The following POGK variants were observed in gnomAD, a reference collection of about 807,000 sequenced individuals.
POGK encodes pogo transposable element derived with KRAB domain.
A neutral mutation model predicts 54.4 loss-of-function variants in POGK; 16 were observed. That is an observed-to-expected ratio of 0.29 (90% CI 0.20 to 0.45). The LOEUF (loss-of-function observed/expected upper bound fraction) is 0.45. POGK is among the 20% of genes least tolerant of loss of function. The probability of loss-of-function intolerance (pLI) is 1.00; values close to 1 mark genes in which losing one functional copy is unlikely to be tolerated. For missense variants in POGK, 515 were observed against 795.6 expected (o/e 0.65, Z 4.24); for synonymous variants, 271 against 302.2 (o/e 0.90, Z 1.07).
rs1352772680 is a variant in POGK, at chr1:166,849,612, A to G, written c.1033A>G (p.Ser345Gly). Residue 345 changes from serine (S) to glycine (G), a missense_variant, in exon 5 of 6, where the codon AGT becomes GGT. Physicochemically the swap from Ser to Gly is moderately conservative, Grantham distance 56 (BLOSUM62 0). Coordinates refer to ENST00000367876, the MANE Select transcript of POGK (RefSeq NM_017542.5). ...TGAGAAACTCGTCACTTACCAGCGC[A>G]GTGTCCTGGCTCTGCGCAGGGCGCA... ...LTEKLVTYQR[S>G]VLALRRAHDY... 6.2e-7 allele frequency: 1 copy of G among 1,614,286 alleles called. No homozygotes were observed. The highest frequency in any genetic ancestry group is 1.7e-5 in the Admixed American group (1 of 60,038).
At chr1:166,842,600 G>C (rs73022894) in intron 2 of POGK, among the ~76,000 whole-genome samples, 2,338 of 152,306 alleles carry the variant, frequency 0.015, 57 homozygotes, top group African/African-American at 0.054. Flanking sequence ...GAACTCCGGG[G>C]CTTCCTGGAC....
At position 166,849,626 on chromosome 1, in the gene POGK, G is replaced by T. The variant is rs970273709; in HGVS notation, c.1047G>T (p.Leu349=). The T allele has an allele frequency of 3.1e-6, 5 of 1,614,290 alleles. No individual in the cohort carries two copies. The highest frequency in any genetic ancestry group is 4.2e-6 in the Non-Finnish European group (5 of 1,180,056). The change falls in exon 5 of 6, where the codon CTG becomes CTT. Residue 349 remains leucine (L), a synonymous_variant. Coordinates refer to ENST00000367876, the MANE Select transcript of POGK (RefSeq NM_017542.5). ...LVTYQRSVLA[L]RRAHDYEVAQ... ...CTTACCAGCGCAGTGTCCTGGCTCT[G>T]CGCAGGGCGCATGACTATGAGGTAG...
At chr1:166,847,616 C>T (rs1435136736) in intron 4 of POGK, 24 bp downstream of exon 4, 11 of 1,565,906 alleles carry the variant, frequency 7.0e-6, no homozygotes, top group East Asian at 2.2e-5. Context: ...AGCAGTTCAG[C>T]GTCCATCCAG....
In POGK at chr1:166,850,363, A is replaced by T. The variant is rs1189686278; in HGVS notation, c.1784A>T (p.Glu595Val). The T allele has an allele frequency of 1.2e-6, 2 of 1,613,086 alleles. No homozygotes were observed. The highest frequency in any genetic ancestry group is 2.7e-5 in the African/African-American group (2 of 74,888). Residue 595 changes from glutamate (E) to valine (V), a missense_variant, in exon 5 of 6, where the codon GAA (glutamate) becomes GTA (valine). By Grantham distance (121) the Glu-to-Val change is moderately radical. Transcript: ENST00000367876. ...EIESELPGGG[E>V]PPKDCDTESM... ...GAGAGTGAGTTGCCAGGAGGAGGAG[A>T]ACCACCAAAAGATTGTGACACCGAA...
intron 4 of POGK, 39 bp downstream of exon 4, chr1:166,847,631 G>A (rs1395080509): frequency 2.0e-6 from 3 of 1,496,756 alleles, no homozygotes; most frequent in East Asian, 2.3e-5. Context: ...ATCCAGCTGG[G>A]AACATTGTGG....
At chr1:166,845,977 C>T (rs1657829088) in intron 2 of POGK, among the ~76,000 whole-genome samples, 1 of 152,140 alleles carries the variant, frequency 6.6e-6, no homozygotes, top group Non-Finnish European at 1.5e-5. Flanking sequence ...TTCTTTCTTC[C>T]TCTTCATGCT....
In POGK at chr1:166,855,324, G is replaced by A. The variant is rs1218699873; in HGVS notation, c.*2754G>A. The A allele has an allele frequency of 4.6e-5, 7 of 151,958 alleles. No homozygotes were observed. Among genetic ancestry groups the A allele is most frequent in the South Asian group, 2.1e-4 (1 of 4,810 alleles). The allele number at this position is 151,958 out of a possible 1,614,324, so 9.4% of individuals were successfully genotyped here. ...ATGGTTTCCAACAGCTTTTTCCCTC[G>A]TTAAAATAATTATTTTTCTACATGA... On this transcript the variant is annotated 3_prime_UTR_variant, in exon 6 of 6. Coordinates refer to ENST00000367876, the MANE Select transcript of POGK (RefSeq NM_017542.5).
Position 166,849,645 on chromosome 1 carries a change from G to C in POGK, c.1066G>C (p.Glu356Gln). The change falls in exon 5 of 6, where the codon GAG becomes CAG. Residue 356 changes from glutamate (E) to glutamine (Q), a missense_variant. By Grantham distance (29) the Glu-to-Gln change is conservative. Transcript: ENST00000367876. ...GGCTCTGCGCAGGGCGCATGACTAT[G>C]AGGTAGCTCAGATGGGGAATGCAGA... Reference protein sequence around the residue: ...VLALRRAHDYEVAQMGNADET... With the variant: ...VLALRRAHDYQVAQMGNADET... The C allele has an allele frequency of 6.2e-7, 1 of 1,614,298 alleles. No homozygotes were observed. Among genetic ancestry groups the C allele is most frequent in the Non-Finnish European group, 8.5e-7 (1 of 1,180,060 alleles).
chr1:166,850,565 G>A (rs1037166141), intron 5 of POGK, 142 bp downstream of exon 5: 2 of 845,722 alleles, frequency 2.4e-6, no homozygotes, highest in African/African-American at 2.3e-5. Flanking sequence ...CCAACCCCCA[G>A]GTCACGGACC....
At position 166,843,330 on chromosome 1, in the gene POGK, G is replaced by A. The variant is rs557050662; in HGVS notation, c.132+2242G>A. ...CAGCCAGGAGGACATGCAGTGCTAC[G>A]CCAGCGAGTTTGAGCTTTCTCCTTA... On this transcript the variant is annotated intron_variant, in intron 2 of 5. Coordinates refer to ENST00000367876, the MANE Select transcript of POGK (RefSeq NM_017542.5). Among the ~76,000 whole-genome samples the A allele has an allele frequency of 3.9e-4, 59 of 152,340 alleles. No individual in the cohort carries two copies. The South Asian group carries it at 9.7e-3, about 25-fold the overall frequency.
At chr1:166,847,322 T>G (rs1025858776) in intron 3 of POGK, among the ~76,000 whole-genome samples, 172 bp from the exon 4 acceptor site, 1 of 152,226 alleles carries the variant, frequency 6.6e-6, no homozygotes, top group Non-Finnish European at 1.5e-5. Flanking sequence ...ACCCATTCCT[T>G]TAGACAGACC....
chr1:166,840,962 G>C lies in POGK; in HGVS notation c.6G>C (p.Glu2Asp). Residue 2 changes from glutamate to aspartate, a missense_variant, in exon 2 of 6, where the codon GAG becomes GAC. Glu to Asp is a conservative substitution (Grantham distance 45, BLOSUM62 2). Transcript: ENST00000367876. The stretch of plus-strand genomic sequence containing the variant: ...CCTGAATCTTGCTTGCAGAGATGGA[G>C]TCCACAGCCTACCCTCTCAATTTGA... M[E>D]STAYPLNLSL... is the part of the protein sequence containing the mutation. 6.2e-7 allele frequency: 1 copy of C among 1,613,980 alleles called. No individual in the cohort carries two copies. The highest frequency in any genetic ancestry group is 2.2e-5 in the East Asian group (1 of 44,872).
At position 166,854,464 on chromosome 1, in the gene POGK, A is replaced by G. The variant is rs1658207744; in HGVS notation, c.*1894A>G. On this transcript the variant is annotated 3_prime_UTR_variant, in exon 6 of 6. Coordinates refer to ENST00000367876, the MANE Select transcript of POGK (RefSeq NM_017542.5). ...GACCCCAACAATAAACTTTGATAAT[A>G]AAGACAATAGGCTATGGTGATTTTA... is the stretch of plus-strand genomic sequence containing the variant. The G allele has an allele frequency of 6.7e-6, 1 of 148,654 alleles. No individual in the cohort carries two copies. Among genetic ancestry groups the G allele is most frequent in the Non-Finnish European group, 1.5e-5 (1 of 66,918 alleles). 9.2% of individuals were successfully genotyped at this position (148,654 alleles called of 1,614,324 possible). A position where few individuals can be genotyped will look rare whatever the true frequency, so the allele number is the denominator to read the frequency against.
chr1:166,843,994 C>T (rs897907066), intron 2 of POGK, among the ~76,000 whole-genome samples: 2 of 152,220 alleles, frequency 1.3e-5, no homozygotes, highest in African/African-American at 4.8e-5. Context: ...GATAAAAGGC[C>T]TCTGTGGAGC....
rs1247525926 is a variant in POGK, at chr1:166,853,251, CTGTTT to C, written c.*683_*687del. 6.6e-6 allele frequency: 1 copy of C among 152,600 alleles called. No homozygotes were observed. Among genetic ancestry groups the C allele is most frequent in the African/African-American group, 2.4e-5 (1 of 41,428 alleles). The allele number at this position is 152,600 out of a possible 1,614,324, so 9.5% of individuals were successfully genotyped here. A position where few individuals can be genotyped will look rare whatever the true frequency, so the allele number is the denominator to read the frequency against. Reference sequence around the variant, plus strand: ...AAGATATAGGTTAAAATAAACTATGCTGTTTTATTTATCTTCCCAACCTGATTGGC... The same window carrying C: ...AAGATATAGGTTAAAATAAACTATGCTATTTATCTTCCCAACCTGATTGGC... On this transcript the variant is annotated 3_prime_UTR_variant, in exon 6 of 6. Transcript: ENST00000367876.
chr1:166,852,995 C>G lies in POGK; in HGVS notation c.*425C>G, dbSNP rs888791062. The stretch of plus-strand genomic sequence containing the variant: ...CTCTGGTGTCCTTCTATGGAGAAAA[C>G]CTCAAGTAAAGTTTTATTCTGCCTT... On this transcript the variant is annotated 3_prime_UTR_variant, in exon 6 of 6. Coordinates refer to ENST00000367876, the MANE Select transcript of POGK (RefSeq NM_017542.5). 6.6e-6 allele frequency: 1 copy of G among 152,188 alleles called. No individual in the cohort carries two copies. Among genetic ancestry groups the G allele is most frequent in the Admixed American group, 6.5e-5 (1 of 15,274 alleles). 9.4% of individuals were successfully genotyped at this position (152,188 alleles called of 1,614,324 possible). A position where few individuals can be genotyped will look rare whatever the true frequency, so the allele number is the denominator to read the frequency against.
intron 2 of POGK, among the ~76,000 whole-genome samples, chr1:166,841,427 G>T (rs1280459225): frequency 6.6e-6 from 1 of 152,206 alleles, no homozygotes; most frequent in East Asian, 1.9e-4. Context: ...ACTGCTGGTT[G>T]AAGGGAACCA....
At chr1:166,847,454 G>C in intron 3 of POGK, 40 bp from the exon 4 acceptor site, 1 of 1,522,366 alleles carries the variant, frequency 6.6e-7, no homozygotes. Context: ...CTCCAGGACA[G>C]TAACACACAG....
intron 2 of POGK, 87 bp from the exon 3 acceptor site, chr1:166,846,525 C>T (rs555445898): frequency 5.2e-6 from 8 of 1,545,254 alleles, no homozygotes; most frequent in Middle Eastern, 1.7e-4. Context: ...ACAGGCTGTG[C>T]TGGGCTGTCT....
Sources: gnomAD v4.1 joint callset for allele counts (sites outside exome capture counted in the v4.1 genomes callset) on GRCh38, gnomAD v4.1.1 for gene constraint, MANE v1.5 for transcripts, NCBI Gene and HGNC (gene_info 2026-07-23, HGNC 2026-07-21) for gene names.